ATP10A: variants seen among roughly 807,000 people sequenced by gnomAD.
ATP10A encodes phospholipid-transporting ATPase VA.
ATP10A carries 111 observed loss-of-function variants against 147.8 expected under a neutral mutation model. The observed-to-expected ratio is 0.75, with a 90% CI of 0.64 to 0.88. The LOEUF is 0.88. ATP10A is among the 40% of genes least tolerant of loss of function. ATP10A has a pLI of 0.00. For missense variants in ATP10A, 1,927 were observed against 1,959.0 expected, an observed-to-expected ratio of 0.98 and a Z score of 0.31; for synonymous variants, 875 against 841.6, an observed-to-expected ratio of 1.04 and a Z score of -0.69.
At chr15:25,782,150 T>C (rs537586806) in intron 1 of ATP10A, among the ~76,000 whole-genome samples, 2 of 152,260 alleles carry the variant, frequency 1.3e-5, no homozygotes, top group Admixed American at 1.3e-4. Flanking sequence ...CCAAGTAAAA[T>C]GAGCCATTCA....
chr15:25,740,768 G>A (rs536164031), intron 2 of ATP10A, among the ~76,000 whole-genome samples: 11 of 152,318 alleles, frequency 7.2e-5, no homozygotes, highest in South Asian at 4.1e-4. Context: ...AATGATCCCC[G>A]TCTGATCACA....
At position 25,726,914 on chromosome 15, in the gene ATP10A, G is replaced by T. The variant is rs557363202; in HGVS notation, c.847+246C>A. Among the ~76,000 whole-genome samples the T allele has an allele frequency of 5.5e-3, 827 of 149,344 alleles. 9 individuals carry two copies. The highest frequency in any genetic ancestry group is 0.02 in the African/African-American group (797 of 40,756). ...AAAAAATACAAAAAAAAAAAAAGGA[G>T]CCGGGCGTGGCGGGCGCCTGTAGTC... On this transcript the variant is annotated intron_variant, in intron 4 of 20. Transcript: ENST00000555815.
At position 25,683,207 on chromosome 15, in the gene ATP10A, G is replaced by A. The variant is rs189553175; in HGVS notation, c.3492+79C>T. 97 of 1,364,310 alleles carry A rather than the reference G, an allele frequency of 7.1e-5. No individual in the cohort carries two copies. The East Asian group carries it at 2.0e-3, about 29-fold the overall frequency. The allele number at this position is 1,364,310 out of a possible 1,614,324, so 84.5% of individuals were successfully genotyped here. On this transcript the variant is annotated intron_variant, in intron 17 of 20. Coordinates refer to ENST00000555815, the MANE Select transcript of ATP10A (RefSeq NM_024490.4). ...CAGGGTGTCCATCTGAAGGGAGGCT[G>A]GGGGACTGGCACTTTGGAAGAGTGA...
intron 1 of ATP10A, among the ~76,000 whole-genome samples, chr15:25,783,882 C>T (rs1469668457): frequency 6.6e-6 from 1 of 152,206 alleles, no homozygotes; most frequent in Non-Finnish European, 1.5e-5. Context: ...CCATGGGGTC[C>T]TCTGGCCATG....
intron 1 of ATP10A, among the ~76,000 whole-genome samples, chr15:25,834,747 T>C (rs1180757455): frequency 1.3e-5 from 2 of 152,140 alleles, no homozygotes; most frequent in Non-Finnish European, 2.9e-5. Context: ...ATAAACAAGA[T>C]GTGGTACATC....
intron 1 of ATP10A, among the ~76,000 whole-genome samples, chr15:25,822,537 TA>T (rs1178091399): frequency 2.0e-5 from 3 of 152,060 alleles, no homozygotes; most frequent in African/African-American, 7.2e-5. Flanking sequence ...ATGAGGCAAG[TA>T]ATACTCCCAG....
intron 7 of ATP10A, 61 bp downstream of exon 7, chr15:25,721,596 T>C (rs2140422721): frequency 6.8e-7 from 1 of 1,477,752 alleles, no homozygotes; most frequent in South Asian, 1.2e-5. Context: ...CTCCAAACAA[T>C]TCTGGATAGG....
intron 15 of ATP10A, among the ~76,000 whole-genome samples, chr15:25,688,307 C>T (rs948661728): frequency 6.6e-6 from 1 of 152,176 alleles, no homozygotes; most frequent in African/African-American, 2.4e-5. Flanking sequence ...CTGTTCCCCC[C>T]AGAAGCCTTG....
chr15:25,675,100 C>T (rs1326698558), downstream of ATP10A, among the ~76,000 whole-genome samples: 1 of 152,214 alleles, frequency 6.6e-6, no homozygotes, highest in East Asian at 1.9e-4. Flanking sequence ...ATTTTGGAAG[C>T]CGCGGATGGT....
At chr15:25,707,354 T>C (rs1901094736) in intron 12 of ATP10A, among the ~76,000 whole-genome samples, 2 of 152,092 alleles carry the variant, frequency 1.3e-5, no homozygotes, top group South Asian at 2.1e-4. Context: ...TGGACCATCC[T>C]CAACACCAGC....
chr15:25,818,995 G>A (rs1891775280), intron 1 of ATP10A, among the ~76,000 whole-genome samples: 1 of 152,014 alleles, frequency 6.6e-6, no homozygotes, highest in Admixed American at 6.6e-5. Flanking sequence ...GAAACCCGAG[G>A]GAAGACTGCT....
intron 2 of ATP10A, among the ~76,000 whole-genome samples, chr15:25,743,896 G>C (rs1433619665): frequency 6.6e-6 from 1 of 152,096 alleles, no homozygotes; most frequent in African/African-American, 2.4e-5. Context: ...GTATCACTTT[G>C]ATAGTGAGGT....
intron 2 of ATP10A, among the ~76,000 whole-genome samples, chr15:25,740,886 CT>C (rs996532483): frequency 2.0e-5 from 3 of 152,260 alleles, no homozygotes; most frequent in African/African-American, 7.2e-5. Flanking sequence ...CGCTGACCTC[CT>C]CGGCTACCAT....
At chr15:25,741,395 G>A (rs966665730) in intron 2 of ATP10A, among the ~76,000 whole-genome samples, 6 of 152,196 alleles carry the variant, frequency 3.9e-5, no homozygotes, top group African/African-American at 1.4e-4. Flanking sequence ...GTTCCAGAAT[G>A]CATAGTTCCT....
At chr15:25,810,412 G>A (rs752101778) in intron 1 of ATP10A, among the ~76,000 whole-genome samples, 33 of 152,168 alleles carry the variant, frequency 2.2e-4, no homozygotes, top group African/African-American at 5.5e-4. Context: ...AGCCCAGCCC[G>A]AGGTTCTTAT....
At chr15:25,804,619 G>GTCCAGT (rs1343402823) in intron 1 of ATP10A, among the ~76,000 whole-genome samples, 1 of 152,088 alleles carries the variant, frequency 6.6e-6, no homozygotes, top group Non-Finnish European at 1.5e-5. Flanking sequence ...CCAGGTCCAG[G>GTCCAGT]TCCAGGTCCA....
At chr15:25,749,098 G>A (rs1443981913) in intron 2 of ATP10A, among the ~76,000 whole-genome samples, 1 of 147,698 alleles carries the variant, frequency 6.8e-6, no homozygotes, top group Non-Finnish European at 1.5e-5. Context: ...TAATACATGA[G>A]TTTAGCAAAG....
At chr15:25,845,433 C>A (rs756426368) in intron 1 of ATP10A, among the ~76,000 whole-genome samples, 1 of 152,066 alleles carries the variant, frequency 6.6e-6, no homozygotes, top group Non-Finnish European at 1.5e-5. Context: ...TGAGCCTCCC[C>A]GGAACTGTTT....
chr15:25,797,567 A>G (rs1203730440), intron 1 of ATP10A, among the ~76,000 whole-genome samples: 1 of 152,178 alleles, frequency 6.6e-6, no homozygotes, highest in Non-Finnish European at 1.5e-5. Context: ...CTACATACGG[A>G]GACATGACAC....
Sources: allele counts gnomAD v4.1 joint callset (sites outside exome capture counted in the v4.1 genomes callset), GRCh38; gene constraint gnomAD v4.1.1; transcripts MANE v1.5; gene names NCBI Gene and HGNC (gene_info 2026-07-23, HGNC 2026-07-21).